PID1: variants seen among roughly 807,000 people sequenced by gnomAD.
PID1 encodes PTB-containing, cubilin and LRP1-interacting protein.
A neutral mutation model predicts 19.1 loss-of-function variants in PID1; 10 were observed. The observed-to-expected ratio is 0.52, with a 90% confidence interval of 0.32 to 0.89. The LOEUF is 0.89. Ranked by LOEUF, PID1 falls within the 40% of genes least tolerant of loss-of-function variation. The pLI is 0.03. For missense variants in PID1, 248 were observed against 285.3 expected, an observed-to-expected ratio of 0.87 and a Z score of 0.94; for synonymous variants, 130 against 116.0, an observed-to-expected ratio of 1.12 and a Z score of -0.78.
At chr2:229,113,036 C>A (rs183557429) in intron 2 of PID1, among the ~76,000 whole-genome samples, 2 of 152,230 alleles carry the variant, frequency 1.3e-5, no homozygotes, top group Non-Finnish European at 2.9e-5. Context: ...TCCCAGCAGA[C>A]TCTATGTGAG....
chr2:229,050,761 G>A (rs546422581), intron 2 of PID1, among the ~76,000 whole-genome samples: 5 of 152,114 alleles, frequency 3.3e-5, no homozygotes, highest in Non-Finnish European at 7.4e-5. Context: ...GTCACTGTAG[G>A]CCTTCTAGTA....
At chr2:229,205,823 C>T (rs538981655) in intron 1 of PID1, among the ~76,000 whole-genome samples, 6 of 152,234 alleles carry the variant, frequency 3.9e-5, no homozygotes, top group East Asian at 1.9e-4. Flanking sequence ...TTTCACCATG[C>T]GACAGGCCCA....
intron 2 of PID1, among the ~76,000 whole-genome samples, chr2:229,076,600 G>A (rs1006250687): frequency 2.6e-5 from 4 of 151,846 alleles, no homozygotes; most frequent in African/African-American, 9.7e-5. Context: ...GTGCCCATAT[G>A]TTCTCATTGG....
chr2:229,254,383 G>C (rs1223938346), intron 1 of PID1, among the ~76,000 whole-genome samples: 3 of 152,128 alleles, frequency 2.0e-5, no homozygotes, highest in Non-Finnish European at 2.9e-5. Context: ...GGACAACTTT[G>C]GCAAAAACTA....
rs754252798 is a variant in PID1 at position 229,081,625 on chromosome 2, T to C, written c.178-55517A>G. ...CCACTGGAGCAAAGAGAAGGTGCAATATGAGACGCTCTAAGCTTCCTTGTT... is the reference window on the plus strand; with the variant it reads ...CCACTGGAGCAAAGAGAAGGTGCAACATGAGACGCTCTAAGCTTCCTTGTT... On this transcript the variant is annotated intron_variant, in intron 2 of 2. Coordinates refer to ENST00000392055, the MANE Select transcript of PID1 (RefSeq NM_001100818.2). Among the ~76,000 whole-genome samples the C allele has an allele frequency of 1.1e-3, 164 of 152,116 alleles. 4 individuals carry two copies. The highest frequency in any genetic ancestry group is 2.6e-4 in the Non-Finnish European group (18 of 68,022).
chr2:229,044,038 A>C lies in PID1; in HGVS notation c.178-17930T>G, dbSNP rs141543320. On this transcript the variant is annotated intron_variant, in intron 2 of 2. Coordinates refer to ENST00000392055, the MANE Select transcript of PID1 (RefSeq NM_001100818.2). ...CAAAGATACAGAAACCGTGACTCACAGATTTAAACCAGGAAAGCAGATCTC... is the reference window on the plus strand; with the variant it reads ...CAAAGATACAGAAACCGTGACTCACCGATTTAAACCAGGAAAGCAGATCTC... Among the ~76,000 whole-genome samples, 7 of 152,346 alleles carry C rather than the reference A, an allele frequency of 4.6e-5. No individual in the cohort carries two copies. In the East Asian group the frequency reaches 1.3e-3, roughly 29 times the overall value.
At chr2:229,135,207 T>C (rs543817186) in intron 2 of PID1, among the ~76,000 whole-genome samples, 1 of 152,192 alleles carries the variant, frequency 6.6e-6, no homozygotes, top group Non-Finnish European at 1.5e-5. Context: ...TCTTGGGTTT[T>C]GCATCGTTCA....
At chr2:229,057,008 A>T (rs1465971041) in intron 2 of PID1, among the ~76,000 whole-genome samples, 1 of 140,874 alleles carries the variant, frequency 7.1e-6, no homozygotes, top group Non-Finnish European at 1.5e-5. Flanking sequence ...AAGTAATACA[A>T]GCCACTTTAT....
intron 1 of PID1, among the ~76,000 whole-genome samples, chr2:229,180,838 G>C (rs62190427): frequency 2.0e-5 from 3 of 152,150 alleles, no homozygotes; most frequent in African/African-American, 7.2e-5. Flanking sequence ...CTGAGGGCAA[G>C]GGAGGCCATT....
intron 1 of PID1, chr2:229,227,881 T>C (rs1038608756): frequency 4.6e-6 from 2 of 435,372 alleles, no homozygotes; most frequent in South Asian, 3.3e-5. Flanking sequence ...TTAGGTATTG[T>C]AAGTAATCTA....
intron 2 of PID1, among the ~76,000 whole-genome samples, chr2:229,061,092 C>T (rs1694203930): frequency 6.6e-6 from 1 of 152,032 alleles, no homozygotes; most frequent in Non-Finnish European, 1.5e-5. Context: ...GTTTACCTTG[C>T]TGTGCAGAGG....
intron 2 of PID1, among the ~76,000 whole-genome samples, chr2:229,109,983 G>C (rs1036804850): frequency 6.6e-6 from 1 of 152,120 alleles, no homozygotes; most frequent in Non-Finnish European, 1.5e-5. Context: ...TCAGTAATTG[G>C]AGGAGTCACT....
chr2:229,094,747 C>A (rs909999593), intron 2 of PID1, among the ~76,000 whole-genome samples: 9 of 151,970 alleles, frequency 5.9e-5, no homozygotes, highest in African/African-American at 2.2e-4. Context: ...ATGAATGACA[C>A]TAGATCCCTA....
At chr2:229,167,802 G>C (rs1353284736) in intron 1 of PID1, among the ~76,000 whole-genome samples, 1 of 151,998 alleles carries the variant, frequency 6.6e-6, no homozygotes, top group Non-Finnish European at 1.5e-5. Context: ...ATACTATTTT[G>C]TCACTATTGA....
intron 1 of PID1, among the ~76,000 whole-genome samples, chr2:229,157,192 G>C (rs530303503): frequency 1.8e-4 from 27 of 152,290 alleles, no homozygotes; most frequent in African/African-American, 6.5e-4. Flanking sequence ...GAAAGTGGGA[G>C]GCCAAGGAAA....
At chr2:229,029,572 G>T (rs747445490) in intron 2 of PID1, among the ~76,000 whole-genome samples, 25 of 152,164 alleles carry the variant, frequency 1.6e-4, no homozygotes, top group Non-Finnish European at 2.8e-4. Flanking sequence ...GCCGGGCGCA[G>T]TGGCTCACGC....
At chr2:229,178,193 C>T (rs914191164) in intron 1 of PID1, among the ~76,000 whole-genome samples, 1 of 152,178 alleles carries the variant, frequency 6.6e-6, no homozygotes, top group Non-Finnish European at 1.5e-5. Flanking sequence ...GAAATAGAAG[C>T]TTTCATACTT....
intron 2 of PID1, among the ~76,000 whole-genome samples, chr2:229,049,337 C>T (rs1693944645): frequency 6.6e-6 from 1 of 151,920 alleles, no homozygotes. Flanking sequence ...TTTCTCTGAC[C>T]CTCTTTGTTT....
intron 1 of PID1, among the ~76,000 whole-genome samples, chr2:229,177,532 T>C (rs1053404039): frequency 1.3e-5 from 2 of 152,196 alleles, no homozygotes; most frequent in African/African-American, 4.8e-5. Context: ...CCCTCCTTAT[T>C]TGCACTGATT....
Sources: allele counts gnomAD v4.1 joint callset (sites outside exome capture counted in the v4.1 genomes callset), GRCh38; gene constraint gnomAD v4.1.1; transcripts MANE v1.5; gene names NCBI Gene and HGNC (gene_info 2026-07-23, HGNC 2026-07-21).